ARHGAP44: variants seen among roughly 807,000 people sequenced by gnomAD.
The protein encoded by ARHGAP44 is Rho GTPase activating protein 44, also known as rho GTPase-activating protein 44.
Under a neutral mutation model 106.8 loss-of-function variants are expected in ARHGAP44, and 43 were observed. The ratio of observed to expected loss-of-function variants is 0.40; its 90% confidence interval spans 0.32 to 0.52. ARHGAP44 has a LOEUF of 0.52. Ranked by LOEUF, ARHGAP44 falls within the 20% of genes least tolerant of loss-of-function variation. The pLI, the probability that ARHGAP44 is intolerant of heterozygous loss-of-function variation, is 0.48. For synonymous variants in ARHGAP44, 439 were observed against 410.3 expected, an observed-to-expected ratio of 1.07 and a Z score of -0.85; for missense variants, 866 against 1,050.5, an observed-to-expected ratio of 0.82 and a Z score of 2.43.
intron 1 of ARHGAP44, among the ~76,000 whole-genome samples, chr17:12,825,311 T>G (rs1423869220): frequency 1.3e-5 from 2 of 150,478 alleles, no homozygotes; most frequent in South Asian, 2.1e-4. Flanking sequence ...GTGCTGGGAT[T>G]ACAGCATGAG....
At chr17:12,789,981 G>T (rs2033686806) in intron 1 of ARHGAP44, 90 bp downstream of exon 1, 2 of 1,269,938 alleles carry the variant, frequency 1.6e-6, no homozygotes, top group East Asian at 3.2e-5. Context: ...CCAGCCTCCA[G>T]TCCTCCTTGC....
At chr17:12,914,807 A>T (rs6502215) in intron 4 of ARHGAP44, among the ~76,000 whole-genome samples, 2 of 150,646 alleles carry the variant, frequency 1.3e-5, no homozygotes, top group African/African-American at 4.9e-5. Flanking sequence ...AAGAAAAAAA[A>T]AAAAAAACCT....
chr17:12,974,409 T>C, intron 18 of ARHGAP44, 99 bp downstream of exon 18: 1 of 1,011,464 alleles, frequency 9.9e-7, no homozygotes, highest in Non-Finnish European at 1.3e-6. Context: ...TCGTTTCCCA[T>C]GCCCCCGCCC....
At chr17:12,872,213 T>C (rs1269200768) in intron 1 of ARHGAP44, among the ~76,000 whole-genome samples, 1 of 152,232 alleles carries the variant, frequency 6.6e-6, no homozygotes, top group Non-Finnish European at 1.5e-5. Context: ...ATCTTGTTTT[T>C]CCTGTCATGA....
At chr17:12,943,556 C>A in intron 8 of ARHGAP44, 32 bp from the exon 9 acceptor site, 1 of 1,609,604 alleles carries the variant, frequency 6.2e-7, no homozygotes, top group Non-Finnish European at 8.5e-7. Flanking sequence ...TTGCCCCTCA[C>A]TAAGGGTGAT....
intron 1 of ARHGAP44, among the ~76,000 whole-genome samples, chr17:12,894,243 T>A (rs199605118): frequency 0.045 from 5,441 of 121,248 alleles, 124 homozygotes; most frequent in South Asian, 0.11. Flanking sequence ...AGAGAGAGAG[T>A]GTGTGTGTGT....
chr17:12,845,133 A>T (rs977856287), intron 1 of ARHGAP44, among the ~76,000 whole-genome samples: 3 of 152,080 alleles, frequency 2.0e-5, no homozygotes, highest in African/African-American at 7.3e-5. Context: ...CACTTCTCTG[A>T]GTTACTCTAT....
intron 1 of ARHGAP44, among the ~76,000 whole-genome samples, chr17:12,885,661 CTTCA>C (rs1434744483): frequency 6.6e-6 from 1 of 152,060 alleles, no homozygotes; most frequent in Non-Finnish European, 1.5e-5. Context: ...GCTTATCTGT[CTTCA>C]TTGGTTAAGT....
rs777549654 is a variant in ARHGAP44, at chr17:12,949,714, TG to T, written c.1041del (p.Trp347Ter). 1 of 1,613,640 alleles carries T rather than the reference TG, an allele frequency of 6.2e-7. No homozygotes were observed. Among genetic ancestry groups the T allele is most frequent in the Non-Finnish European group, 8.5e-7 (1 of 1,179,726 alleles). The stretch of plus-strand genomic sequence containing the variant: ...TATGACCTTTGAACTCTATGATGAG[TG>T]GATCCAGGCTTCCAAGTGAGTACCC... ...PLMTFELYDE[W>X]IQASNVQEQD... On this transcript the variant is annotated frameshift_variant, in exon 12 of 21. Transcript: ENST00000379672. LOFTEE classifies it high-confidence loss of function. The surrounding 1 kb of genome is among the most constrained non-coding windows in gnomAD (Gnocchi z 4.1).
At chr17:12,870,885 T>G (rs1339826051) in intron 1 of ARHGAP44, among the ~76,000 whole-genome samples, 2 of 152,198 alleles carry the variant, frequency 1.3e-5, no homozygotes, top group Non-Finnish European at 2.9e-5. Flanking sequence ...TTGACTGCCT[T>G]TAGTGAGCAT....
intron 1 of ARHGAP44, among the ~76,000 whole-genome samples, chr17:12,888,627 T>C (rs181747980): frequency 6.6e-6 from 1 of 152,354 alleles, no homozygotes; most frequent in Admixed American, 6.5e-5. Flanking sequence ...TGTTGTGTTT[T>C]TTATATATTG....
chr17:12,936,921 C>G (rs557973945), intron 7 of ARHGAP44, among the ~76,000 whole-genome samples: 1 of 152,154 alleles, frequency 6.6e-6, no homozygotes, highest in African/African-American at 2.4e-5. Flanking sequence ...CTGTTTTTTG[C>G]CTTTTACTGT....
chr17:12,822,650 A>G (rs893347031), intron 1 of ARHGAP44, among the ~76,000 whole-genome samples: 2 of 152,328 alleles, frequency 1.3e-5, no homozygotes, highest in African/African-American at 4.8e-5. Context: ...AGTGGAAGTG[A>G]TGAGAGCTCA....
intron 6 of ARHGAP44, among the ~76,000 whole-genome samples, chr17:12,926,403 GTA>G (rs902128580): frequency 1.4e-5 from 2 of 142,104 alleles, no homozygotes; most frequent in Admixed American, 1.5e-4. Flanking sequence ...AATATATATT[GTA>G]TATATATAAT....
intron 20 of ARHGAP44, chr17:12,987,344 C>T (rs539827196): frequency 2.6e-5 from 13 of 494,388 alleles, no homozygotes; most frequent in African/African-American, 2.3e-4. Context: ...TCCCTGGCCT[C>T]CTTTTCTTTC....
chr17:12,835,728 G>A (rs2035218960), intron 1 of ARHGAP44, among the ~76,000 whole-genome samples: 1 of 152,124 alleles, frequency 6.6e-6, no homozygotes, highest in African/African-American at 2.4e-5. Flanking sequence ...ACATTGTTGT[G>A]TGATAGATCT....
chr17:12,923,768 CA>C (rs1212662423), intron 6 of ARHGAP44, among the ~76,000 whole-genome samples: 3 of 152,170 alleles, frequency 2.0e-5, no homozygotes, highest in Non-Finnish European at 4.4e-5. Context: ...TGCCAAAAGC[CA>C]TAAGAAGCCA....
chr17:12,971,681 A>G (rs1329618581), intron 16 of ARHGAP44, among the ~76,000 whole-genome samples: 1 of 150,210 alleles, frequency 6.7e-6, no homozygotes, highest in Non-Finnish European at 1.5e-5. Flanking sequence ...ATCGTATAGG[A>G]AGTGTTTGTT....
rs77783118 is a variant in ARHGAP44, at chr17:12,806,089, C to G, written c.53+16198C>G. Among the ~76,000 whole-genome samples the G allele has an allele frequency of 4.8e-3, 737 of 152,274 alleles. 31 individuals carry two copies. The East Asian group carries it at 0.087, about 18-fold the overall frequency. On this transcript the variant is annotated intron_variant, in intron 1 of 20. Transcript: ENST00000379672. The stretch of plus-strand genomic sequence containing the variant: ...TATTCCTGAAGGGAAATCTGGCGTA[C>G]ACTATATCTGCTGTGTTCTAAGTCC...
Sources: allele counts gnomAD v4.1 joint callset (sites outside exome capture counted in the v4.1 genomes callset), GRCh38; gene constraint gnomAD v4.1.1; non-coding constraint Gnocchi (gnomAD v3.1); transcripts MANE v1.5; gene names NCBI Gene and HGNC (gene_info 2026-07-23, HGNC 2026-07-21).